PTPRM: variants seen among roughly 807,000 people sequenced by gnomAD.
PTPRM encodes the protein receptor-type tyrosine-protein phosphatase mu.
PTPRM carries 47 observed loss-of-function variants against 186.7 expected under a neutral mutation model. The ratio of observed to expected loss-of-function variants is 0.25; its 90% confidence interval spans 0.20 to 0.32. PTPRM has a LOEUF of 0.32. Ranked by LOEUF, PTPRM falls within the 10% of genes least tolerant of loss-of-function variation. The pLI is 1.00. For synonymous variants in PTPRM, 668 were observed against 674.9 expected, an observed-to-expected ratio of 0.99 and a Z score of 0.16; for missense variants, 1,494 against 1,865.0, an observed-to-expected ratio of 0.80 and a Z score of 3.66.
At chr18:8,029,469 A>G (rs1006468207) in intron 7 of PTPRM, among the ~76,000 whole-genome samples, 2 of 151,224 alleles carry the variant, frequency 1.3e-5, no homozygotes, top group Non-Finnish European at 2.9e-5. Flanking sequence ...CCCTCTCCTC[A>G]TGCTTGCTTG....
intron 14 of PTPRM, among the ~76,000 whole-genome samples, chr18:8,211,193 T>C (rs2093998814): frequency 6.6e-6 from 1 of 151,880 alleles, no homozygotes; most frequent in African/African-American, 2.4e-5. Flanking sequence ...GAGGAATAAC[T>C]GGAGGAGAGT....
chr18:8,065,073 A>G lies in PTPRM; in HGVS notation c.1133-4613A>G, dbSNP rs577468217. Among the ~76,000 whole-genome samples the G allele has an allele frequency of 1.6e-4, 24 of 152,286 alleles. No homozygotes were observed. In the South Asian group the frequency reaches 3.3e-3, roughly 21 times the overall value. On this transcript the variant is annotated intron_variant, in intron 7 of 32. Transcript: ENST00000580170. The stretch of plus-strand genomic sequence containing the variant: ...TTAGTGGGAGCATTGGTTGTAATCT[A>G]TGTTTTTGATTATCAATGACATGAT...
intron 2 of PTPRM, among the ~76,000 whole-genome samples, chr18:7,827,967 C>T (rs371475315): frequency 1.6e-3 from 247 of 152,264 alleles, no homozygotes; most frequent in African/African-American, 5.3e-3. Flanking sequence ...TGACCACAGG[C>T]GGTTCATCAT....
chr18:7,828,949 CTT>C (rs1173536436), intron 2 of PTPRM, among the ~76,000 whole-genome samples: 8 of 152,178 alleles, frequency 5.3e-5, no homozygotes, highest in African/African-American at 1.7e-4. Flanking sequence ...TTCTCTCTCT[CTT>C]TTTTGTTTTT....
intron 19 of PTPRM, among the ~76,000 whole-genome samples, chr18:8,277,028 C>T (rs1216902321): frequency 6.6e-6 from 1 of 151,970 alleles, no homozygotes; most frequent in Admixed American, 6.6e-5. Flanking sequence ...CCTCCCCTGC[C>T]TGGGTTCAAT....
chr18:8,319,136 C>G (rs780142601), intron 21 of PTPRM, 42 bp from the exon 22 acceptor site: 2 of 1,351,448 alleles, frequency 1.5e-6, no homozygotes, highest in Non-Finnish European at 2.1e-6. Flanking sequence ...TGCTGTTTAT[C>G]GATTTTATGT....
At chr18:7,644,700 G>A (rs1005394192) in intron 1 of PTPRM, among the ~76,000 whole-genome samples, 1 of 151,936 alleles carries the variant, frequency 6.6e-6, no homozygotes, top group South Asian at 2.1e-4. Context: ...AAAAAAAATT[G>A]GAAAATAAGT....
chr18:8,104,883 T>C (rs2091449406), intron 11 of PTPRM, among the ~76,000 whole-genome samples: 1 of 152,244 alleles, frequency 6.6e-6, no homozygotes, highest in Admixed American at 6.5e-5. Flanking sequence ...TTTCACCATT[T>C]TTATTAGTCT....
chr18:7,666,004 TTGAC>T (rs2039087047), intron 1 of PTPRM, among the ~76,000 whole-genome samples: 2 of 152,114 alleles, frequency 1.3e-5, no homozygotes, highest in Admixed American at 1.3e-4. Flanking sequence ...GTAAGATAAA[TTGAC>T]TGATGGCAAA....
chr18:7,981,222 T>G (rs1409888176), intron 7 of PTPRM, among the ~76,000 whole-genome samples: 1 of 152,070 alleles, frequency 6.6e-6, no homozygotes, highest in Non-Finnish European at 1.5e-5. Context: ...CAGGGAGGCT[T>G]TCCCTAAGCA....
chr18:7,965,666 G>C (rs2053992812), intron 7 of PTPRM, among the ~76,000 whole-genome samples: 1 of 152,190 alleles, frequency 6.6e-6, no homozygotes, highest in Admixed American at 6.5e-5. Flanking sequence ...TTTAGGAAAA[G>C]TTCAGTCACT....
At chr18:8,130,010 A>T (rs2092463966) in intron 13 of PTPRM, among the ~76,000 whole-genome samples, 1 of 152,174 alleles carries the variant, frequency 6.6e-6, no homozygotes, top group South Asian at 2.1e-4. Flanking sequence ...ATGGGCTGAG[A>T]GTGAGGCCCA....
intron 1 of PTPRM, among the ~76,000 whole-genome samples, chr18:7,666,572 T>C (rs566851309): frequency 6.6e-6 from 1 of 152,336 alleles, no homozygotes; most frequent in South Asian, 2.1e-4. Flanking sequence ...TATATAGATT[T>C]AATTCCACCT....
chr18:7,849,095 A>AT (rs35484626), intron 2 of PTPRM, among the ~76,000 whole-genome samples: 2 of 151,946 alleles, frequency 1.3e-5, no homozygotes, highest in African/African-American at 2.4e-5. Context: ...TGCCTCGTTA[A>AT]TTTTTTTTGG....
chr18:7,629,748 T>G (rs1429647075), intron 1 of PTPRM, among the ~76,000 whole-genome samples: 1 of 152,062 alleles, frequency 6.6e-6, no homozygotes, highest in African/African-American at 2.4e-5. Flanking sequence ...GGTAACCAGA[T>G]TTTGTGTGTG....
intron 1 of PTPRM, among the ~76,000 whole-genome samples, chr18:7,672,301 T>G (rs1236635416): frequency 1.3e-5 from 2 of 152,188 alleles, no homozygotes; most frequent in East Asian, 1.9e-4. Flanking sequence ...CAGGTTAAGT[T>G]TTTTTTTCAC....
intron 14 of PTPRM, among the ~76,000 whole-genome samples, chr18:8,207,373 A>G (rs1366682349): frequency 1.3e-5 from 2 of 152,224 alleles, no homozygotes; most frequent in African/African-American, 4.8e-5. Context: ...GGAATTTTCC[A>G]ATGCAGTGAT....
At chr18:8,345,089 TATC>T (rs1223521546) in intron 23 of PTPRM, among the ~76,000 whole-genome samples, 4 of 152,156 alleles carry the variant, frequency 2.6e-5, no homozygotes, top group African/African-American at 4.8e-5. Flanking sequence ...AATCATAAAG[TATC>T]ATGATAGTGT....
intron 2 of PTPRM, among the ~76,000 whole-genome samples, chr18:7,846,898 G>T (rs1599033057): frequency 6.6e-6 from 1 of 151,912 alleles, no homozygotes; most frequent in Non-Finnish European, 1.5e-5. Context: ...TTATTCTACT[G>T]TATTTTATCT....
Sources: gnomAD v4.1 joint callset for allele counts (sites outside exome capture counted in the v4.1 genomes callset) on GRCh38, gnomAD v4.1.1 for gene constraint, MANE v1.5 for transcripts, NCBI Gene and HGNC (gene_info 2026-07-23, HGNC 2026-07-21) for gene names.